Variants in ADCY2 observed in about 807,000 individuals in gnomAD.
The protein encoded by ADCY2 is adenylate cyclase 2.
A neutral mutation model predicts 125.2 loss-of-function variants in ADCY2; 31 were observed. The observed-to-expected ratio is 0.25, with a 90% CI of 0.19 to 0.33. The LOEUF (loss-of-function observed/expected upper bound fraction) is 0.33, where lower values mean the gene tolerates loss of function less well. ADCY2 is among the 10% of genes least tolerant of loss of function. The probability of loss-of-function intolerance (pLI) is 1.00; values close to 1 mark genes in which losing one functional copy is unlikely to be tolerated. For synonymous variants in ADCY2, 512 were observed against 548.4 expected (o/e 0.93, Z 0.93); for missense variants, 904 against 1,418.2 (o/e 0.64, Z 5.82).
intron 4 of ADCY2, among the ~76,000 whole-genome samples, chr5:7,640,073 T>G (rs1738641166): frequency 6.6e-6 from 1 of 152,214 alleles, no homozygotes; most frequent in Non-Finnish European, 1.5e-5. Context: ...TAGTCTTTAT[T>G]AAAACACTTG....
intron 2 of ADCY2, among the ~76,000 whole-genome samples, chr5:7,419,329 G>A (rs1740095169): frequency 6.6e-6 from 1 of 152,268 alleles, no homozygotes; most frequent in African/African-American, 2.4e-5. Flanking sequence ...GAATACAGAT[G>A]CACTTTGGCA....
intron 2 of ADCY2, among the ~76,000 whole-genome samples, chr5:7,427,245 G>A (rs545643980): frequency 2.0e-5 from 3 of 152,220 alleles, no homozygotes; most frequent in African/African-American, 4.8e-5. Context: ...CAAGGACACC[G>A]GTTATATTGA....
intron 12 of ADCY2, 23 bp from the exon 13 acceptor site, chr5:7,724,522 G>A (rs1741873256): frequency 6.3e-7 from 1 of 1,583,382 alleles, no homozygotes; most frequent in Non-Finnish European, 8.7e-7. Flanking sequence ...GTTTTATGAT[G>A]TGTTGGCCCT....
chr5:7,792,143 G>A (rs993484669), intron 20 of ADCY2, among the ~76,000 whole-genome samples: 6 of 146,796 alleles, frequency 4.1e-5, no homozygotes, highest in Non-Finnish European at 8.9e-5. Flanking sequence ...AGGCCAAGGC[G>A]TTTGGATCAC....
intron 3 of ADCY2, among the ~76,000 whole-genome samples, chr5:7,558,906 G>A (rs888450219): frequency 3.4e-5 from 5 of 148,712 alleles, no homozygotes; most frequent in African/African-American, 7.5e-5. Flanking sequence ...CATATGGCTA[G>A]CCAGTTATCC....
chr5:7,447,361 A>AGCATCATCCTGGCAGTGG (rs1030763357), intron 2 of ADCY2, among the ~76,000 whole-genome samples: 1 of 152,168 alleles, frequency 6.6e-6, no homozygotes, highest in Non-Finnish European at 1.5e-5. Context: ...AAGGGCTTGC[A>AGCATCATCCTGGCAGTGG]GCATCATCCT....
At chr5:7,479,967 C>T (rs777406183) in intron 2 of ADCY2, among the ~76,000 whole-genome samples, 9 of 152,090 alleles carry the variant, frequency 5.9e-5, no homozygotes, top group Non-Finnish European at 8.8e-5. Flanking sequence ...TGAACAGATA[C>T]TTTTCAAAAG....
intron 3 of ADCY2, among the ~76,000 whole-genome samples, chr5:7,616,948 C>A (rs1051504113): frequency 8.6e-5 from 13 of 151,980 alleles, no homozygotes; most frequent in Admixed American, 5.9e-4. Flanking sequence ...AGAGAAGAGA[C>A]CCTGTGAGGT....
chr5:7,593,475 T>G (rs1736910543), intron 3 of ADCY2, among the ~76,000 whole-genome samples: 1 of 152,158 alleles, frequency 6.6e-6, no homozygotes, highest in Non-Finnish European at 1.5e-5. Context: ...CATGAGCGTA[T>G]TCATTTCTCT....
intron 5 of ADCY2, among the ~76,000 whole-genome samples, chr5:7,693,222 T>C (rs1198358618): frequency 1.3e-5 from 2 of 152,018 alleles, no homozygotes; most frequent in African/African-American, 4.8e-5. Flanking sequence ...TCTCCAGGGT[T>C]CCAAGGATAT....
In ADCY2 at chr5:7,743,696, G is replaced by T. The variant is rs1250622368; in HGVS notation, c.1900G>T (p.Ala634Ser). Residue 634 changes from alanine (A) to serine (S), a missense_variant, in exon 15 of 25, where the codon GCT becomes TCT. Around this residue, in one of 7 missense-constraint regions of ADCY2, gnomAD observed 221 missense variants for 246.2 expected, o/e 0.90. Coordinates refer to ENST00000338316, the MANE Select transcript of ADCY2 (RefSeq NM_020546.3). ...GTCCGTCCTGGGCATCTCCTTTGGG[G>T]CTGCGTTTCTCTTGCTGGCCTTCAT... is the stretch of plus-strand genomic sequence containing the variant. ...KTSVLGISFG[A>S]AFLLLAFILF... 4 of 1,613,974 alleles carry T rather than the reference G, an allele frequency of 2.5e-6. No individual in the cohort carries two copies. The highest frequency in any genetic ancestry group is 1.3e-5 in the African/African-American group (1 of 74,912).
chr5:7,623,587 A>T (rs141595135), intron 3 of ADCY2, among the ~76,000 whole-genome samples: 3 of 152,334 alleles, frequency 2.0e-5, no homozygotes, highest in African/African-American at 4.8e-5. Flanking sequence ...GGCTTTCCAC[A>T]TGCTCCAGGA....
intron 4 of ADCY2, among the ~76,000 whole-genome samples, chr5:7,628,275 C>T (rs1229849835): frequency 6.6e-6 from 1 of 152,150 alleles, no homozygotes; most frequent in African/African-American, 2.4e-5. Context: ...GCTCTGTAAT[C>T]TCCTTCAAAA....
chr5:7,758,088 G>T (rs781207416), intron 16 of ADCY2, among the ~76,000 whole-genome samples: 1 of 152,140 alleles, frequency 6.6e-6, no homozygotes, highest in Admixed American at 6.5e-5. Context: ...CTTGCTCCCC[G>T]TCTCACCAGC....
chr5:7,774,231 A>G (rs1743644871), intron 18 of ADCY2, among the ~76,000 whole-genome samples: 1 of 152,188 alleles, frequency 6.6e-6, no homozygotes, highest in Non-Finnish European at 1.5e-5. Flanking sequence ...TTTAATTTTC[A>G]TCATCTTCCA....
At chr5:7,522,565 G>A (rs922211566) in intron 3 of ADCY2, 1 of 151,924 alleles carries the variant, frequency 6.6e-6, no homozygotes, top group Non-Finnish European at 1.5e-5. Flanking sequence ...TCAACATTAG[G>A]TGTTCACATA....
chr5:7,790,692 A>G (rs1744224718), intron 20 of ADCY2, among the ~76,000 whole-genome samples: 1 of 152,220 alleles, frequency 6.6e-6, no homozygotes, highest in African/African-American at 2.4e-5. Flanking sequence ...GGTGCCCAGG[A>G]AAAAGAAACA....
At chr5:7,412,262 A>C (rs993439941) in intron 1 of ADCY2, among the ~76,000 whole-genome samples, 1 of 152,192 alleles carries the variant, frequency 6.6e-6, no homozygotes, top group South Asian at 2.1e-4. Context: ...AGTAAAGTCA[A>C]TGATTGTTTC....
chr5:7,585,136 G>A (rs149869792), intron 3 of ADCY2, among the ~76,000 whole-genome samples: 177 of 152,254 alleles, frequency 1.2e-3, no homozygotes, highest in African/African-American at 3.7e-3. Context: ...ACAATGAATA[G>A]CTGCTTTTTT....
Sources: gnomAD v4.1 joint callset for allele counts (sites outside exome capture counted in the v4.1 genomes callset) on GRCh38, gnomAD v4.1.1 for gene constraint, gnomAD v4.1.1 regional missense constraint, MANE v1.5 for transcripts, NCBI Gene and HGNC (gene_info 2026-07-23, HGNC 2026-07-21) for gene names.